Variants in PRR33 observed in about 807,000 individuals in gnomAD.
PRR33 encodes the protein proline-rich protein 33.
PRR33 carries 1 observed loss-of-function variant against 0.5 expected under a neutral mutation model. The observed-to-expected ratio is 2.18, with a 90% CI of 0.77 to 10.34. The LOEUF (loss-of-function observed/expected upper bound fraction) is 10.34. Among genes scored for constraint, PRR33 ranks in the 30% most tolerant of loss-of-function variants. The pLI, the probability that PRR33 is intolerant of heterozygous loss-of-function variation, is 0.13. For missense variants in PRR33, 552 were observed against 251.8 expected, an observed-to-expected ratio of 2.19 and a Z score of -8.07; for synonymous variants, 226 against 110.0, an observed-to-expected ratio of 2.06 and a Z score of -6.60.
the PRR33 span, among the ~76,000 whole-genome samples, chr11:1,911,961 G>C: frequency 7.9e-6 from 1 of 126,780 alleles, no homozygotes. Context: ...TGGAGTTTGA[G>C]ACCAGCCTGA....
rs144608157 is a variant in PRR33, at chr11:1,890,227, T to C, written c.358A>G (p.Ile120Val). 2,201 of 715,588 alleles carry C rather than the reference T, an allele frequency of 3.1e-3. 28 individuals carry two copies. The African/African-American group carries it at 0.032, about 10-fold the overall frequency. The allele number at this position is 715,588 out of a possible 1,614,324, so 44.3% of individuals were successfully genotyped here. The change falls in exon 1 of 1, where the codon ATC (isoleucine) becomes GTC (valine). Residue 120 changes from isoleucine to valine, a missense_variant. Transcript: ENST00000640310. Reference sequence around the variant, plus strand: ...TGCAGGGGTGATGCCACGTGGTGGATGATGGGGGTGTGCGGGGAGCGGGGT... The same window carrying C: ...TGCAGGGGTGATGCCACGTGGTGGACGATGGGGGTGTGCGGGGAGCGGGGT...
the PRR33 span, among the ~76,000 whole-genome samples, chr11:1,907,399 G>T: frequency 6.6e-6 from 1 of 152,168 alleles, no homozygotes; most frequent in Admixed American, 6.5e-5. Flanking sequence ...TAAGTGTGCA[G>T]CACACATCTC....
chr11:1,890,379 A>G, exon 1 of PRR33: 1 of 716,790 alleles, frequency 1.4e-6, no homozygotes, highest in Non-Finnish European at 2.6e-6. Context: ...GGCCTCACTC[A>G]CGGGGGACAG....
At chr11:1,889,631 A>G in exon 1 of PRR33, 1 of 614,500 alleles carries the variant, frequency 1.6e-6, no homozygotes, top group Non-Finnish European at 3.0e-6. Context: ...ATGGTGGGGT[A>G]GGGGATGAGG....
At chr11:1,892,601 A>G (rs927665497), upstream of PRR33, among the ~76,000 whole-genome samples, 2 of 152,262 alleles carry the variant, frequency 1.3e-5, no homozygotes, top group African/African-American at 4.8e-5. Context: ...AACACCACAC[A>G]GGAGGTGCTC....
At chr11:1,898,328 T>A in the PRR33 span, among the ~76,000 whole-genome samples, 1 of 151,964 alleles carries the variant, frequency 6.6e-6, no homozygotes, top group Non-Finnish European at 1.5e-5. Flanking sequence ...CTCCACCTCC[T>A]GGGTTCAAGC....
At chr11:1,909,791 A>C in the PRR33 span, among the ~76,000 whole-genome samples, 1 of 149,366 alleles carries the variant, frequency 6.7e-6, no homozygotes, top group African/African-American at 2.4e-5. Flanking sequence ...GAAAAAAAGA[A>C]GAAGAAGAAG....
exon 1 of PRR33, chr11:1,888,680 C>T (rs555408062): frequency 3.5e-4 from 55 of 155,238 alleles, no homozygotes; most frequent in Non-Finnish European, 5.8e-4. Flanking sequence ...CTGCTCCTGA[C>T]GCCGATGGCC....
exon 1 of PRR33, chr11:1,890,457 C>G: frequency 1.4e-6 from 1 of 717,318 alleles, no homozygotes; most frequent in Non-Finnish European, 2.6e-6. Flanking sequence ...GGCTGCCTTC[C>G]TCAGGAGCTT....
chr11:1,910,213 G>A, the PRR33 span, among the ~76,000 whole-genome samples: 1 of 151,904 alleles, frequency 6.6e-6, no homozygotes, highest in Non-Finnish European at 1.5e-5. Flanking sequence ...ACTGAGGGAT[G>A]CACCCTGCAC....
the PRR33 span, among the ~76,000 whole-genome samples, chr11:1,904,968 G>T: frequency 6.6e-6 from 1 of 151,820 alleles, no homozygotes; most frequent in Non-Finnish European, 1.5e-5. Flanking sequence ...ACCAAGTTTT[G>T]GTTTTCTCAA....
At chr11:1,897,180 C>G in the PRR33 span, among the ~76,000 whole-genome samples, 1 of 152,312 alleles carries the variant, frequency 6.6e-6, no homozygotes, top group African/African-American at 2.4e-5. The surrounding 1 kb of genome is among the most constrained non-coding windows in gnomAD (Gnocchi z 4.0). Flanking sequence ...AGTCTGTTTA[C>G]GTCTCCAGTG....
At chr11:1,890,448 G>A (rs1396373112) in exon 1 of PRR33, 6 of 717,170 alleles carry the variant, frequency 8.4e-6, no homozygotes, top group Non-Finnish European at 1.0e-5. Flanking sequence ...CTTCTTCCGG[G>A]CTGCCTTCCT....
upstream of PRR33, among the ~76,000 whole-genome samples, chr11:1,893,344 G>A (rs1849070359): frequency 6.6e-6 from 1 of 151,624 alleles, no homozygotes; most frequent in Non-Finnish European, 1.5e-5. Context: ...TGAGTGAATG[G>A]GTAAGCAGGT....
At chr11:1,906,675 G>A in the PRR33 span, among the ~76,000 whole-genome samples, 1 of 152,194 alleles carries the variant, frequency 6.6e-6, no homozygotes, top group Non-Finnish European at 1.5e-5. Context: ...AGCTGTTTCT[G>A]AGCCCCCCAC....
chr11:1,903,609 C>T, the PRR33 span, among the ~76,000 whole-genome samples: 3 of 152,206 alleles, frequency 2.0e-5, no homozygotes, highest in African/African-American at 7.2e-5. Flanking sequence ...GAACATCCCA[C>T]CGTAATTTTC....
At chr11:1,910,673 G>T in the PRR33 span, among the ~76,000 whole-genome samples, 1 of 152,174 alleles carries the variant, frequency 6.6e-6, no homozygotes, top group Non-Finnish European at 1.5e-5. Flanking sequence ...GACAATCCTT[G>T]TCTCAATCAA....
At chr11:1,891,672 G>C (rs1849006763) in exon 1 of PRR33, 1 of 153,180 alleles carries the variant, frequency 6.5e-6, no homozygotes, top group Non-Finnish European at 1.5e-5. Context: ...CCAGCAGAGA[G>C]AGGCTCGGGG....
chr11:1,896,016 T>C (rs541302909), upstream of PRR33, among the ~76,000 whole-genome samples: 1 of 152,306 alleles, frequency 6.6e-6, no homozygotes, highest in Admixed American at 6.5e-5. Flanking sequence ...TGAAAAAAAG[T>C]CATCAGTCTG....
Sources: allele counts gnomAD v4.1 joint callset (sites outside exome capture counted in the v4.1 genomes callset), GRCh38; gene constraint gnomAD v4.1.1; non-coding constraint Gnocchi (gnomAD v3.1); transcripts MANE v1.5; gene names NCBI Gene and HGNC (gene_info 2026-07-23, HGNC 2026-07-21).